NRG3: variants seen among roughly 807,000 people sequenced by gnomAD.
NRG3 encodes the protein pro-neuregulin-3, membrane-bound isoform.
In NRG3, 31 loss-of-function variants were observed where a neutral mutation model predicts 66.9. The ratio of observed to expected loss-of-function variants is 0.46; its 90% CI spans 0.35 to 0.63. NRG3 has a LOEUF of 0.63. NRG3 is among the 20% of genes least tolerant of loss of function. The pLI is 0.00. For synonymous variants in NRG3, 393 were observed against 359.4 expected, an observed-to-expected ratio of 1.09 and a Z score of -1.06; for missense variants, 910 against 878.9, an observed-to-expected ratio of 1.04 and a Z score of -0.45.
chr10:82,483,418 C>T (rs531290107), intron 2 of NRG3, among the ~76,000 whole-genome samples: 1 of 152,290 alleles, frequency 6.6e-6, no homozygotes, highest in South Asian at 2.1e-4. Context: ...CTCCGTGGAC[C>T]TTTGTAGAAC....
At chr10:82,438,752 C>G (rs1207797099) in intron 2 of NRG3, among the ~76,000 whole-genome samples, 1 of 152,128 alleles carries the variant, frequency 6.6e-6, no homozygotes, top group Admixed American at 6.5e-5. Context: ...GCTCACTCAC[C>G]ACCTCCCTTG....
Position 82,570,736 on chromosome 10 carries a change from T to C in NRG3, c.954-167841T>C, listed in dbSNP as rs184218742. 5.9e-5 allele frequency among the ~76,000 whole-genome samples: 9 copies of C among 151,720 alleles called. No individual in the cohort carries two copies. The East Asian group carries it at 1.7e-3, about 29-fold the overall frequency. ...CAGCAAATCTTCTCCCGGAACGTGG[T>C]TTGATATATAGGGCTTGACAGAAGA... On this transcript the variant is annotated intron_variant, in intron 2 of 8. Coordinates refer to ENST00000372141, the MANE Select transcript of NRG3 (RefSeq NM_001010848.4).
In NRG3 at chr10:82,310,208, A is replaced by T. The variant is rs556430376; in HGVS notation, c.824-48531A>T. On this transcript the variant is annotated intron_variant, in intron 1 of 8. Transcript: ENST00000372141. Reference sequence around the variant, plus strand: ...TGCAATATCATTTATCTCCATCATTATTGCAGTTTGTATTTTGCGATTGGA... The same window carrying T: ...TGCAATATCATTTATCTCCATCATTTTTGCAGTTTGTATTTTGCGATTGGA... Among the ~76,000 whole-genome samples, 9 of 152,236 alleles carry T rather than the reference A, an allele frequency of 5.9e-5. No individual in the cohort carries two copies. The East Asian group carries it at 1.7e-3, about 29-fold the overall frequency.
intron 2 of NRG3, among the ~76,000 whole-genome samples, chr10:82,722,563 A>G (rs1223985585): frequency 6.6e-6 from 1 of 152,090 alleles, no homozygotes; most frequent in Non-Finnish European, 1.5e-5. Context: ...TCAGTTATGG[A>G]CCTATTTTTC....
At chr10:82,636,325 AT>A (rs1185215940) in intron 2 of NRG3, among the ~76,000 whole-genome samples, 1 of 151,776 alleles carries the variant, frequency 6.6e-6, no homozygotes, top group Non-Finnish European at 1.5e-5. Context: ...AGAGCCTGGG[AT>A]TAATGACACT....
chr10:82,059,662 C>A (rs73318361), intron 1 of NRG3, among the ~76,000 whole-genome samples: 1 of 152,066 alleles, frequency 6.6e-6, no homozygotes, highest in Non-Finnish European at 1.5e-5. Flanking sequence ...TACTTATGAT[C>A]GGCGCTATGT....
At position 82,622,972 on chromosome 10, in the gene NRG3, GT is replaced by G. The variant is rs112115993; in HGVS notation, c.954-115594del. Among the ~76,000 whole-genome samples the G allele has an allele frequency of 6.7e-3, 981 of 146,224 alleles. 6 individuals carry two copies. Among genetic ancestry groups the G allele is most frequent in the African/African-American group, 0.018 (738 of 40,048 alleles). ...GTGTGCTATTTTCAATTTTGGATGG[GT>G]TTTTTTTTTTCAGGACATAACCCCA... On this transcript the variant is annotated intron_variant, in intron 2 of 8. Transcript: ENST00000372141.
intron 1 of NRG3, among the ~76,000 whole-genome samples, chr10:82,333,395 A>G (rs1337275054): frequency 1.3e-5 from 2 of 152,232 alleles, no homozygotes; most frequent in African/African-American, 4.8e-5. Flanking sequence ...ACACAGCTGA[A>G]TTGACTCTGA....
intron 1 of NRG3, among the ~76,000 whole-genome samples, chr10:82,214,377 G>T (rs1589340879): frequency 6.6e-6 from 1 of 152,268 alleles, no homozygotes; most frequent in African/African-American, 2.4e-5. Context: ...CCCAGCAGGT[G>T]TTCCAGTCTG....
rs188704609 is a variant in NRG3 at position 82,469,651 on chromosome 10, G to C, written c.953+110783G>C. Among the ~76,000 whole-genome samples the C allele has an allele frequency of 4.6e-5, 7 of 152,282 alleles. No homozygotes were observed. In the East Asian group the frequency reaches 1.4e-3, roughly 29 times the overall value. ...TTGTGAAGGTGGAGAGCCAGCCTCT[G>C]AGTACCTAGGAGCCAAGCTATTCCT... On this transcript the variant is annotated intron_variant, in intron 2 of 8. Transcript: ENST00000372141.
intron 3 of NRG3, among the ~76,000 whole-genome samples, chr10:82,779,776 G>A (rs1483164752): frequency 6.6e-6 from 1 of 151,554 alleles, no homozygotes; most frequent in African/African-American, 2.4e-5. Context: ...GCAGAAGGTG[G>A]AGGTTTGTTA....
At chr10:82,670,352 C>T (rs899006924) in intron 2 of NRG3, among the ~76,000 whole-genome samples, 22 of 152,274 alleles carry the variant, frequency 1.4e-4, no homozygotes, top group Middle Eastern at 3.4e-3. Context: ...CAAATACATG[C>T]GGCATAAACA....
chr10:82,176,172 TC>T (rs1224986219), intron 1 of NRG3, among the ~76,000 whole-genome samples: 1 of 152,214 alleles, frequency 6.6e-6, no homozygotes, highest in African/African-American at 2.4e-5. Flanking sequence ...GCACAGTACT[TC>T]CCAGATCTAT....
At chr10:82,898,420 C>A (rs1843868253) in intron 4 of NRG3, among the ~76,000 whole-genome samples, 1 of 152,160 alleles carries the variant, frequency 6.6e-6, no homozygotes. Context: ...CCTGGAGGCT[C>A]CCTACCCAGA....
chr10:82,338,177 T>G (rs1265507395), intron 1 of NRG3, among the ~76,000 whole-genome samples: 1 of 152,230 alleles, frequency 6.6e-6, no homozygotes, highest in Non-Finnish European at 1.5e-5. Context: ...CTCTTTCTGA[T>G]GTCAATATGA....
At chr10:82,729,309 C>A (rs1451665354) in intron 2 of NRG3, among the ~76,000 whole-genome samples, 1 of 152,076 alleles carries the variant, frequency 6.6e-6, no homozygotes, top group African/African-American at 2.4e-5. Context: ...TCATTGTTAC[C>A]CCCTCTAAAC....
At chr10:81,919,324 C>T (rs1243195704) in intron 1 of NRG3, among the ~76,000 whole-genome samples, 1 of 152,144 alleles carries the variant, frequency 6.6e-6, no homozygotes, top group Non-Finnish European at 1.5e-5. Context: ...TGCTTCAAAA[C>T]CGAGCGTCGA....
chr10:82,408,083 GACAGAAAGAAAGAAAGAAAGAA>G (rs2087714345), intron 2 of NRG3, among the ~76,000 whole-genome samples: 5 of 106,450 alleles, frequency 4.7e-5, no homozygotes, highest in African/African-American at 8.8e-5. Context: ...GAGAGAGAGA[GACAGAAAGAAAGAAAGAAAGAA>G]AGAAAGAAAG....
At chr10:82,809,587 T>C (rs2061414583) in intron 3 of NRG3, among the ~76,000 whole-genome samples, 1 of 152,092 alleles carries the variant, frequency 6.6e-6, no homozygotes, top group African/African-American at 2.4e-5. Context: ...TAACACATAA[T>C]GTATATTTTG....
Sources: gnomAD v4.1 joint callset for allele counts (sites outside exome capture counted in the v4.1 genomes callset) on GRCh38, gnomAD v4.1.1 for gene constraint, MANE v1.5 for transcripts, NCBI Gene and HGNC (gene_info 2026-07-23, HGNC 2026-07-21) for gene names.